UBE2V2: variants seen among roughly 807,000 people sequenced by gnomAD.
UBE2V2 encodes ubiquitin conjugating enzyme E2 V2, also known as ubiquitin-conjugating enzyme E2 variant 2.
UBE2V2 carries 9 observed loss-of-function variants against 17.2 expected under a neutral mutation model. The observed-to-expected ratio is 0.52, with a 90% CI of 0.32 to 0.91. The LOEUF (loss-of-function observed/expected upper bound fraction) is 0.91, where lower values mean the gene tolerates loss of function less well. Among genes scored for constraint, UBE2V2 ranks in the 40% least tolerant of loss-of-function variants. UBE2V2 has a pLI of 0.04. For synonymous variants in UBE2V2, 61 were observed against 57.5 expected (o/e 1.06, Z -0.28); for missense variants, 133 against 182.6 (o/e 0.73, Z 1.56).
At chr8:48,020,593 G>A (rs775871582) in intron 1 of UBE2V2, among the ~76,000 whole-genome samples, 3 of 151,830 alleles carry the variant, frequency 2.0e-5, no homozygotes, top group Non-Finnish European at 4.4e-5. Flanking sequence ...GTCTTCTTTG[G>A]TGGTTGATTT....
chr8:48,057,571 G>A (rs977565919), intron 3 of UBE2V2, among the ~76,000 whole-genome samples: 18 of 151,962 alleles, frequency 1.2e-4, no homozygotes, highest in African/African-American at 4.1e-4. Flanking sequence ...CCAAAGTGCT[G>A]GGATTACAGG....
At chr8:48,045,587 C>T (rs1369120633) in intron 2 of UBE2V2, among the ~76,000 whole-genome samples, 1 of 152,114 alleles carries the variant, frequency 6.6e-6, no homozygotes, top group Admixed American at 6.6e-5. Flanking sequence ...TAAGAGTAAC[C>T]TTGCTTCTGC....
intron 1 of UBE2V2, among the ~76,000 whole-genome samples, chr8:48,040,771 G>A (rs2091456511): frequency 1.3e-5 from 2 of 151,242 alleles, no homozygotes; most frequent in African/African-American, 4.9e-5. Flanking sequence ...GGGATTACAG[G>A]TGTGCACCAG....
At chr8:48,059,141 C>T (rs1289261149) in intron 3 of UBE2V2, among the ~76,000 whole-genome samples, 1 of 151,878 alleles carries the variant, frequency 6.6e-6, no homozygotes, top group East Asian at 1.9e-4. Flanking sequence ...CACTGTGTTG[C>T]CCAGGCTGTT....
At chr8:48,020,100 G>A (rs1449036987) in intron 1 of UBE2V2, among the ~76,000 whole-genome samples, 1 of 150,182 alleles carries the variant, frequency 6.7e-6, no homozygotes, top group Non-Finnish European at 1.5e-5. Context: ...GTGCAGTGGC[G>A]TGAACATGGC....
At chr8:48,044,132 T>A (rs888876272) in intron 2 of UBE2V2, among the ~76,000 whole-genome samples, 1 of 152,124 alleles carries the variant, frequency 6.6e-6, no homozygotes, top group African/African-American at 2.4e-5. Flanking sequence ...GGGTAGAGTT[T>A]AGAGTTCCTC....
At chr8:48,012,448 G>T (rs1170579749) in intron 1 of UBE2V2, among the ~76,000 whole-genome samples, 1 of 152,180 alleles carries the variant, frequency 6.6e-6, no homozygotes, top group Non-Finnish European at 1.5e-5. Flanking sequence ...GCCGGGTGGG[G>T]TGGCTCACAC....
At chr8:48,053,195 T>C (rs2091550039) in intron 3 of UBE2V2, among the ~76,000 whole-genome samples, 1 of 152,106 alleles carries the variant, frequency 6.6e-6, no homozygotes, top group Non-Finnish European at 1.5e-5. Flanking sequence ...AATTCCACTT[T>C]TTAGTATCTT....
At chr8:48,016,238 T>C (rs1589850123) in intron 1 of UBE2V2, among the ~76,000 whole-genome samples, 1 of 152,268 alleles carries the variant, frequency 6.6e-6, no homozygotes, top group South Asian at 2.1e-4. Context: ...TGATTCTATA[T>C]CTTGCATATT....
At chr8:48,043,668 G>T (rs2091479037) in intron 2 of UBE2V2, 1 of 152,324 alleles carries the variant, frequency 6.6e-6, no homozygotes, top group South Asian at 2.1e-4. Context: ...CAGTCATTTT[G>T]ACGTAACATG....
chr8:48,017,052 A>G (rs1027355031), intron 1 of UBE2V2, among the ~76,000 whole-genome samples: 6 of 152,128 alleles, frequency 3.9e-5, no homozygotes, highest in Non-Finnish European at 7.4e-5. Flanking sequence ...TGGCCTCCCA[A>G]AGTGCTGGGA....
At chr8:48,030,220 T>TAGTAATGTCCCAC (rs2091373393) in intron 1 of UBE2V2, among the ~76,000 whole-genome samples, 1 of 152,208 alleles carries the variant, frequency 6.6e-6, no homozygotes, top group Non-Finnish European at 1.5e-5. Context: ...CCCCACGAGA[T>TAGTAATGTCCCAC]AGTAATGTCC....
chr8:48,049,841 T>C lies in UBE2V2; in HGVS notation c.166-12T>C. 6.3e-7 allele frequency: 1 copy of C among 1,591,622 alleles called. No homozygotes were observed. Among genetic ancestry groups the C allele is most frequent in the Non-Finnish European group, 8.5e-7 (1 of 1,172,860 alleles). On this transcript the variant is annotated splice_polypyrimidine_tract_variant and intron_variant, in intron 2 of 3. Coordinates refer to ENST00000523111, the MANE Select transcript of UBE2V2 (RefSeq NM_003350.3). The stretch of plus-strand genomic sequence containing the variant: ...TGTTATTTTGATTATCTTTTTGTTT[T>C]TTGCCTTCCAGACAAATTATGAAAA...
chr8:48,017,525 C>T (rs2091277752), intron 1 of UBE2V2, among the ~76,000 whole-genome samples: 1 of 152,048 alleles, frequency 6.6e-6, no homozygotes, highest in African/African-American at 2.4e-5. Context: ...AGGCATGTGC[C>T]ACCATGCACT....
chr8:48,011,800 C>T (rs950311108), intron 1 of UBE2V2, among the ~76,000 whole-genome samples: 10 of 152,130 alleles, frequency 6.6e-5, no homozygotes, highest in African/African-American at 1.7e-4. Context: ...AACACAGGCA[C>T]GCATTGCCAC....
chr8:48,050,087 A>T (rs1281006357), intron 3 of UBE2V2, 109 bp downstream of exon 3: 2 of 822,186 alleles, frequency 2.4e-6, no homozygotes, highest in African/African-American at 1.8e-5. Flanking sequence ...GTTAGGAGAA[A>T]GTTTTTAAAA....
At chr8:48,035,653 G>GTGTGTGTGTA (rs1406278120) in intron 1 of UBE2V2, among the ~76,000 whole-genome samples, 1 of 134,382 alleles carries the variant, frequency 7.4e-6, no homozygotes, top group Non-Finnish European at 1.6e-5. Flanking sequence ...GTGTGTGTGT[G>GTGTGTGTGTA]TGTGTGTATA....
At chr8:48,016,265 T>G (rs939348896) in intron 1 of UBE2V2, among the ~76,000 whole-genome samples, 18 of 152,202 alleles carry the variant, frequency 1.2e-4, no homozygotes, top group African/African-American at 4.3e-4. Context: ...AGTGCTGCAA[T>G]AAAATGGGAG....
Position 48,064,234 on chromosome 8 carries a change from G to C in UBE2V2, c.*3406G>C, listed in dbSNP as rs1024459362. On this transcript the variant is annotated 3_prime_UTR_variant, in exon 4 of 4. Coordinates refer to ENST00000523111, the MANE Select transcript of UBE2V2 (RefSeq NM_003350.3). Reference sequence around the variant, plus strand: ...GTGTAATATCATAGTATCATTTATTGCTGGGATGGATCGAAAAGCACTGCT... The same window carrying C: ...GTGTAATATCATAGTATCATTTATTCCTGGGATGGATCGAAAAGCACTGCT... 6.6e-6 allele frequency: 1 copy of C among 152,102 alleles called. No individual in the cohort carries two copies. The highest frequency in any genetic ancestry group is 1.5e-5 in the Non-Finnish European group (1 of 68,018). 9.4% of individuals were successfully genotyped at this position (152,102 alleles called of 1,614,324 possible).
Sources: gnomAD v4.1 joint callset for allele counts (sites outside exome capture counted in the v4.1 genomes callset) on GRCh38, gnomAD v4.1.1 for gene constraint, MANE v1.5 for transcripts, NCBI Gene and HGNC (gene_info 2026-07-23, HGNC 2026-07-21) for gene names.